PIRT: variants seen among roughly 807,000 people sequenced by gnomAD.
PIRT encodes the protein phosphoinositide interacting regulator of transient receptor potential channels.
Under a neutral mutation model 7.9 loss-of-function variants are expected in PIRT, and 6 were observed. The observed-to-expected ratio is 0.76, with a 90% CI of 0.42 to 1.51. The LOEUF (loss-of-function observed/expected upper bound fraction) is 1.51, where lower values mean the gene tolerates loss of function less well. Ranked by LOEUF, PIRT falls within the 40% of genes most tolerant of loss-of-function variation. The pLI is 0.01. For synonymous variants in PIRT, 78 were observed against 71.8 expected (o/e 1.09, Z -0.44); for missense variants, 170 against 172.9 (o/e 0.98, Z 0.09).
intron 1 of PIRT, among the ~76,000 whole-genome samples, chr17:10,828,703 G>A (rs1905391128): frequency 1.3e-5 from 2 of 152,282 alleles, no homozygotes; most frequent in Non-Finnish European, 1.5e-5. Context: ...TCCTTCCGAC[G>A]ACGTCAATTT....
In PIRT at chr17:10,824,049, T is replaced by C. The variant is rs1905260722; in HGVS notation, c.*1183A>G. The C allele has an allele frequency of 6.6e-6, 1 of 152,226 alleles. No individual in the cohort carries two copies. Among genetic ancestry groups the C allele is most frequent in the South Asian group, 2.1e-4 (1 of 4,832 alleles). 9.4% of individuals were successfully genotyped at this position (152,226 alleles called of 1,614,324 possible). A position where few individuals can be genotyped will look rare whatever the true frequency, so the allele number is the denominator to read the frequency against. ...CCTTTTGTTTTTGGGTTGGAGGACA[T>C]GGCCTCCAGGAATTTCTCCGTCCTC... On this transcript the variant is annotated 3_prime_UTR_variant, in exon 2 of 2. Coordinates refer to ENST00000580256, the MANE Select transcript of PIRT (RefSeq NM_001101387.2).
chr17:10,825,392 C>T lies in PIRT; in HGVS notation c.254G>A (p.Ser85Asn). 1 of 1,614,018 alleles carries T rather than the reference C, an allele frequency of 6.2e-7. No individual in the cohort carries two copies. The highest frequency in any genetic ancestry group is 8.5e-7 in the Non-Finnish European group (1 of 1,179,896). ...CCCTACCATTTTGAGGATGGAGAGA[C>T]TCTTGTCACTCAGCTTCAAGGTGTA... ...LAYTLKLSDK[S>N]LSILKMVGPG... The change falls in exon 2 of 2, where the codon AGT (serine) becomes AAT (asparagine). Residue 85 changes from serine (S) to asparagine (N), a missense_variant. By Grantham distance (46) the Ser-to-Asn change is conservative. Coordinates refer to ENST00000580256, the MANE Select transcript of PIRT (RefSeq NM_001101387.2).
Position 10,823,020 on chromosome 17 carries a change from C to T in PIRT, c.*2212G>A, listed in dbSNP as rs1218613722. 6.6e-6 allele frequency: 1 copy of T among 152,122 alleles called. No individual in the cohort carries two copies. Among genetic ancestry groups the T allele is most frequent in the Non-Finnish European group, 1.5e-5 (1 of 68,024 alleles). 9.4% of individuals were successfully genotyped at this position (152,122 alleles called of 1,614,324 possible). A position where few individuals can be genotyped will look rare whatever the true frequency, so the allele number is the denominator to read the frequency against. ...TCCTCATATAGCTGTGCCCAGGCTA[C>T]AATCTCCTGGGCAGAGGAAATGAGG... On this transcript the variant is annotated 3_prime_UTR_variant, in exon 2 of 2. Transcript: ENST00000580256.
chr17:10,834,784 G>A (rs148458066), intron 1 of PIRT, among the ~76,000 whole-genome samples: 78 of 152,032 alleles, frequency 5.1e-4, no homozygotes, highest in African/African-American at 1.8e-3. Context: ...TAGAGATGGG[G>A]CTTCACCGTG....
chr17:10,832,676 A>G lies in PIRT; in HGVS notation c.-139+5269T>C, dbSNP rs540431291. Among the ~76,000 whole-genome samples the G allele has an allele frequency of 9.8e-5, 15 of 152,380 alleles. No homozygotes were observed. In the East Asian group the frequency reaches 2.3e-3, roughly 24 times the overall value. ...TTTGGATTCTGATTAGAACAAGCCA[A>G]TTGTACAAAGGCACTGGGGATAATT... On this transcript the variant is annotated intron_variant, in intron 1 of 1. Transcript: ENST00000580256.
In PIRT at chr17:10,825,460, G is replaced by A. The variant is rs555559126; in HGVS notation, c.186C>T (p.Gly62=). The change falls in exon 2 of 2, where the codon GGC becomes GGT. Residue 62 remains glycine, a synonymous_variant. Coordinates refer to ENST00000580256, the MANE Select transcript of PIRT (RefSeq NM_001101387.2). ...CCACGCCGAAAAGCAGGATGGCACC[G>A]CCCACTGACATGATAACGATGGGCT... ...YRKPIVIMSV[G]GAILLFGVVI... 3.7e-5 allele frequency: 59 copies of A among 1,613,944 alleles called. No individual in the cohort carries two copies. The East Asian group carries it at 8.2e-4, about 23-fold the overall frequency.
intron 1 of PIRT, among the ~76,000 whole-genome samples, chr17:10,836,049 C>T (rs1351204377): frequency 1.3e-5 from 2 of 152,140 alleles, no homozygotes; most frequent in African/African-American, 4.8e-5. Flanking sequence ...ATTACAGGTG[C>T]ATGCCACCAC....
intron 1 of PIRT, among the ~76,000 whole-genome samples, chr17:10,830,503 T>C (rs777942761): frequency 3.9e-5 from 6 of 152,154 alleles, no homozygotes; most frequent in Non-Finnish European, 8.8e-5. Context: ...GTCTACCTCA[T>C]AGGGTTGCGG....
chr17:10,837,332 C>T (rs1287063576), intron 1 of PIRT, among the ~76,000 whole-genome samples: 1 of 152,238 alleles, frequency 6.6e-6, no homozygotes, highest in East Asian at 1.9e-4. Context: ...CGTCTTTGTC[C>T]GTGTTTGCAT....
chr17:10,828,255 G>C (rs993498010), intron 1 of PIRT, among the ~76,000 whole-genome samples: 14 of 152,244 alleles, frequency 9.2e-5, no homozygotes, highest in Admixed American at 9.2e-4. Flanking sequence ...AAGCTCTCTG[G>C]CTGTTCTCTG....
intron 1 of PIRT, among the ~76,000 whole-genome samples, chr17:10,834,877 A>G (rs998239227): frequency 8.1e-5 from 12 of 148,786 alleles, no homozygotes; most frequent in African/African-American, 2.7e-4. Flanking sequence ...GACGTGAGCC[A>G]CTGCGCCCAG....
chr17:10,833,311 C>T (rs1197139591), intron 1 of PIRT, among the ~76,000 whole-genome samples: 1 of 151,646 alleles, frequency 6.6e-6, no homozygotes, highest in Non-Finnish European at 1.5e-5. Context: ...GACCTGGGGA[C>T]AGGCATAGAT....
chr17:10,834,280 C>T (rs906338072), intron 1 of PIRT, among the ~76,000 whole-genome samples: 2 of 152,142 alleles, frequency 1.3e-5, no homozygotes, highest in Non-Finnish European at 2.9e-5. Context: ...TGTTACTAAG[C>T]AGTAGAAAGG....
At chr17:10,831,580 T>G in intron 1 of PIRT, among the ~76,000 whole-genome samples, 1 of 152,170 alleles carries the variant, frequency 6.6e-6, no homozygotes, top group East Asian at 1.9e-4. Flanking sequence ...GAGTGAATTC[T>G]CCCTCTGAGC....
intron 1 of PIRT, among the ~76,000 whole-genome samples, chr17:10,829,551 C>A (rs1905413571): frequency 6.6e-6 from 1 of 152,150 alleles, no homozygotes; most frequent in African/African-American, 2.4e-5. Flanking sequence ...CTATACCAAC[C>A]CCCACATCAG....
rs549065256 is a variant in PIRT, at chr17:10,834,737, A to T, written c.-139+3208T>A. ...CTCCCGAGTAGCTGGGACTACAGGC[A>T]CCGCCACCATGCCTGGCTAATTTTT... On this transcript the variant is annotated intron_variant, in intron 1 of 1. Coordinates refer to ENST00000580256, the MANE Select transcript of PIRT (RefSeq NM_001101387.2). Among the ~76,000 whole-genome samples the T allele has an allele frequency of 2.0e-4, 30 of 152,000 alleles. No homozygotes were observed. The East Asian group carries it at 3.9e-3, about 20-fold the overall frequency.
In PIRT at chr17:10,823,173, G is replaced by A. The variant is rs1905242660; in HGVS notation, c.*2059C>T. 1 of 152,350 alleles carries A rather than the reference G, an allele frequency of 6.6e-6. No homozygotes were observed. The highest frequency in any genetic ancestry group is 1.5e-5 in the Non-Finnish European group (1 of 68,046). 9.4% of individuals were successfully genotyped at this position (152,350 alleles called of 1,614,324 possible). On this transcript the variant is annotated 3_prime_UTR_variant, in exon 2 of 2. Transcript: ENST00000580256. The stretch of plus-strand genomic sequence containing the variant: ...AATCTGCATTCATCTCAGAAGAAGG[G>A]AAATGATCTGCAAGGTTTGTCACTG...
chr17:10,827,141 G>A (rs976064975), intron 1 of PIRT, among the ~76,000 whole-genome samples: 4 of 151,966 alleles, frequency 2.6e-5, no homozygotes, highest in African/African-American at 7.3e-5. Flanking sequence ...AGATCTAAAC[G>A]CCACCCTTCC....
At chr17:10,834,187 A>G (rs1209689889) in intron 1 of PIRT, among the ~76,000 whole-genome samples, 3 of 152,038 alleles carry the variant, frequency 2.0e-5, no homozygotes, top group Admixed American at 6.5e-5. Flanking sequence ...ATAAAAAAGA[A>G]AAAAAAGAAA....
Sources: allele counts gnomAD v4.1 joint callset (sites outside exome capture counted in the v4.1 genomes callset), GRCh38; gene constraint gnomAD v4.1.1; transcripts MANE v1.5; gene names NCBI Gene and HGNC (gene_info 2026-07-23, HGNC 2026-07-21).